TCF7L2: variants seen among roughly 807,000 people sequenced by gnomAD.
TCF7L2 encodes the protein transcription factor 7 like 2.
Under a neutral mutation model 77.9 loss-of-function variants are expected in TCF7L2, and 23 were observed. The observed-to-expected ratio is 0.30, with a 90% CI of 0.21 to 0.42. The LOEUF is 0.42. Ranked by LOEUF, TCF7L2 falls within the 10% of genes least tolerant of loss-of-function variation. The pLI is 1.00. For synonymous variants in TCF7L2, 413 were observed against 340.2 expected (o/e 1.21, Z -2.36); for missense variants, 654 against 793.1 (o/e 0.82, Z 2.11).
chr10:112,967,962 C>G (rs2037382722), intron 4 of TCF7L2, among the ~76,000 whole-genome samples: 1 of 152,176 alleles, frequency 6.6e-6, no homozygotes, highest in Non-Finnish European at 1.5e-5. Flanking sequence ...TTAGAAAAGA[C>G]ATTGTTTTAA....
intron 4 of TCF7L2, among the ~76,000 whole-genome samples, chr10:112,980,288 G>A (rs962174371): frequency 2.0e-5 from 3 of 152,210 alleles, no homozygotes; most frequent in Non-Finnish European, 4.4e-5. Context: ...TGTGGTTTTT[G>A]TCCTGGTGAG....
intron 4 of TCF7L2, among the ~76,000 whole-genome samples, chr10:113,001,272 A>G (rs1337674520): frequency 6.6e-6 from 1 of 152,232 alleles, no homozygotes; most frequent in African/African-American, 2.4e-5. Flanking sequence ...GTAGTGGTCC[A>G]ACAAAGAGTA....
chr10:113,029,434 T>C (rs2049811086), intron 4 of TCF7L2, among the ~76,000 whole-genome samples: 2 of 152,222 alleles, frequency 1.3e-5, no homozygotes, highest in South Asian at 2.1e-4. Context: ...TTGGAGGATA[T>C]GATTTTGTAT....
chr10:113,085,895 T>C (rs1410449534), intron 5 of TCF7L2, among the ~76,000 whole-genome samples: 1 of 152,350 alleles, frequency 6.6e-6, no homozygotes, highest in African/African-American at 2.4e-5. Flanking sequence ...GTCTCTACTT[T>C]CTGGATCTGG....
chr10:113,111,247 T>G (rs2063093401), intron 5 of TCF7L2, among the ~76,000 whole-genome samples: 1 of 152,208 alleles, frequency 6.6e-6, no homozygotes, highest in Admixed American at 6.5e-5. Context: ...ATCTGTCAGC[T>G]TTTTGACAGT....
At position 113,144,100 on chromosome 10, in the gene TCF7L2, C is replaced by CTG. The variant is rs3830991; in HGVS notation, c.788+111_788+112dup. ...TTTATTATTTATTCTGTGTGTGTGT[C>CTG]TGTGTGTGTGTGTGTGTGTGTGTGT... On this transcript the variant is annotated intron_variant, in intron 7 of 13. Transcript: ENST00000627217. 34,936 of 649,994 alleles carry CTG rather than the reference C, an allele frequency of 0.054. 463 individuals carry two copies. Among genetic ancestry groups the CTG allele is most frequent in the Non-Finnish European group, 0.062 (25,210 of 408,530 alleles). 40.3% of individuals were successfully genotyped at this position (649,994 alleles called of 1,614,324 possible).
At chr10:113,073,131 A>T (rs7899827) in intron 5 of TCF7L2, among the ~76,000 whole-genome samples, 33,818 of 95,288 alleles carry the variant, frequency 0.35, 4,368 homozygotes, top group African/African-American at 0.5. Context: ...TGTGTGTGTG[A>T]GAGAGAGAGA....
intron 12 of TCF7L2, 59 bp downstream of exon 14, chr10:113,160,051 C>T (rs2072875525): frequency 6.7e-7 from 1 of 1,490,696 alleles, no homozygotes; most frequent in Non-Finnish European, 9.3e-7. Flanking sequence ...TCGATCCTCT[C>T]CCCCTTCTCT....
At chr10:112,952,599 G>A (rs2032098259) in intron 3 of TCF7L2, among the ~76,000 whole-genome samples, 1 of 152,184 alleles carries the variant, frequency 6.6e-6, no homozygotes, top group Admixed American at 6.5e-5. Flanking sequence ...GTGTAGGCCC[G>A]TCGTGGGCCC....
intron 4 of TCF7L2, among the ~76,000 whole-genome samples, chr10:112,989,037 G>T (rs1377002617): frequency 2.0e-5 from 3 of 152,296 alleles, no homozygotes; most frequent in Middle Eastern, 3.4e-3. Context: ...ATGCTCTGCG[G>T]TTGCTATGTT....
chr10:113,099,779 T>C (rs933342445), intron 5 of TCF7L2, among the ~76,000 whole-genome samples: 1 of 152,120 alleles, frequency 6.6e-6, no homozygotes, highest in Non-Finnish European at 1.5e-5. Flanking sequence ...GTCTTTGTAA[T>C]TACTTGGAGA....
intron 4 of TCF7L2, among the ~76,000 whole-genome samples, chr10:112,980,228 C>T (rs116425384): frequency 0.013 from 1,905 of 152,322 alleles, 40 homozygotes; most frequent in African/African-American, 0.04. Context: ...CTCCGCTTTG[C>T]GGGTTAGAAT....
intron 4 of TCF7L2, among the ~76,000 whole-genome samples, chr10:113,004,065 T>C (rs1379534901): frequency 6.6e-6 from 1 of 152,162 alleles, no homozygotes; most frequent in Non-Finnish European, 1.5e-5. Context: ...CACAGGGAAG[T>C]TGATTGCCCA....
intron 4 of TCF7L2, among the ~76,000 whole-genome samples, chr10:113,005,735 G>A (rs145627582): frequency 2.0e-5 from 3 of 152,174 alleles, no homozygotes; most frequent in African/African-American, 7.2e-5. Flanking sequence ...CATTCTCCAA[G>A]TGTTTGTCCT....
At chr10:112,953,115 G>C (rs2134260001) in intron 3 of TCF7L2, among the ~76,000 whole-genome samples, 1 of 152,030 alleles carries the variant, frequency 6.6e-6, no homozygotes, top group Non-Finnish European at 1.5e-5. Context: ...GACGGGAGTC[G>C]ATCAGATCTA....
At chr10:112,954,158 C>T (rs2032845518) in intron 3 of TCF7L2, among the ~76,000 whole-genome samples, 1 of 151,020 alleles carries the variant, frequency 6.6e-6, no homozygotes, top group Non-Finnish European at 1.5e-5. Flanking sequence ...GCTTCCCATA[C>T]TCTTCTGAAA....
chr10:113,138,217 A>G (rs1335800313), intron 5 of TCF7L2, among the ~76,000 whole-genome samples: 2 of 149,504 alleles, frequency 1.3e-5, no homozygotes, highest in Non-Finnish European at 3.0e-5. Flanking sequence ...AAAGCCAGGC[A>G]GTACCTAAAA....
At chr10:113,048,126 G>C (rs928244000) in intron 5 of TCF7L2, among the ~76,000 whole-genome samples, 2 of 152,140 alleles carry the variant, frequency 1.3e-5, no homozygotes, top group African/African-American at 4.8e-5. Context: ...GGCAAGATTG[G>C]GACCTACTTT....
chr10:112,964,809 T>G (rs1365016486), intron 4 of TCF7L2, among the ~76,000 whole-genome samples, 185 bp downstream of exon 4: 27 of 28,556 alleles, frequency 9.5e-4, no homozygotes, highest in African/African-American at 3.7e-3. Flanking sequence ...GTGGTGGTGG[T>G]GGTGGGGGGG....
Sources: allele counts gnomAD v4.1 joint callset (sites outside exome capture counted in the v4.1 genomes callset), GRCh38; gene constraint gnomAD v4.1.1; transcripts MANE v1.5; gene names NCBI Gene and HGNC (gene_info 2026-07-23, HGNC 2026-07-21).